GRK5: variants seen among roughly 807,000 people sequenced by gnomAD.
The protein encoded by GRK5 is G protein-coupled receptor kinase 5, also known as g protein-coupled receptor kinase GRK5.
In GRK5, 40 loss-of-function variants were observed where a neutral mutation model predicts 78.4. That is an observed-to-expected ratio of 0.51 (90% CI 0.40 to 0.66). The LOEUF is 0.66. Ranked by LOEUF, GRK5 falls within the 30% of genes least tolerant of loss-of-function variation. GRK5 has a pLI of 0.00. For synonymous variants in GRK5, 289 were observed against 296.8 expected, an observed-to-expected ratio of 0.97 and a Z score of 0.27; for missense variants, 598 against 759.9, an observed-to-expected ratio of 0.79 and a Z score of 2.50.
At chr10:119,307,888 C>T (rs1417493680) in intron 1 of GRK5, among the ~76,000 whole-genome samples, 1 of 152,096 alleles carries the variant, frequency 6.6e-6, no homozygotes, top group Non-Finnish European at 1.5e-5. Context: ...TTCTAGGAAG[C>T]CTTTTAAAGC....
At chr10:119,391,726 C>T (rs979315325) in intron 3 of GRK5, among the ~76,000 whole-genome samples, 3 of 152,154 alleles carry the variant, frequency 2.0e-5, no homozygotes, top group African/African-American at 4.8e-5. Flanking sequence ...GGAGGGGCGG[C>T]CCACGTGGTC....
chr10:119,339,791 G>T (rs12219911), intron 2 of GRK5, among the ~76,000 whole-genome samples: 10,094 of 152,198 alleles, frequency 0.066, 501 homozygotes, highest in East Asian at 0.22. Flanking sequence ...CTACTTGGGA[G>T]GTTGAGGCAG....
At chr10:119,388,457 C>T (rs780581369) in intron 3 of GRK5, among the ~76,000 whole-genome samples, 4 of 152,164 alleles carry the variant, frequency 2.6e-5, no homozygotes, top group African/African-American at 4.8e-5. Context: ...GTGCCTCAGC[C>T]ATCCTAGTAG....
chr10:119,389,628 G>A (rs1000148608), intron 3 of GRK5, among the ~76,000 whole-genome samples: 3 of 152,252 alleles, frequency 2.0e-5, no homozygotes, highest in African/African-American at 7.2e-5. Flanking sequence ...GTTGACTGGA[G>A]CAGGAGGGGG....
chr10:119,216,669 A>G (rs893600682), intron 1 of GRK5, among the ~76,000 whole-genome samples: 1 of 152,038 alleles, frequency 6.6e-6, no homozygotes. Flanking sequence ...ATAAATAAAA[A>G]TGGCCAGGCG....
chr10:119,349,726 C>A (rs925829556), intron 2 of GRK5, among the ~76,000 whole-genome samples: 1 of 152,218 alleles, frequency 6.6e-6, no homozygotes, highest in African/African-American at 2.4e-5. Context: ...CCAGCTAAGT[C>A]TGAATGGTGA....
chr10:119,259,672 C>A (rs541665516), intron 1 of GRK5, among the ~76,000 whole-genome samples: 5 of 152,318 alleles, frequency 3.3e-5, no homozygotes, highest in African/African-American at 1.2e-4. Context: ...TCCAATGGAA[C>A]CTTCTGTGAT....
At chr10:119,422,578 C>T (rs943613264) in intron 4 of GRK5, among the ~76,000 whole-genome samples, 1 of 152,226 alleles carries the variant, frequency 6.6e-6, no homozygotes, top group Admixed American at 6.5e-5. Context: ...TCACCACCCT[C>T]CTCCCTCCTG....
chr10:119,356,200 T>C (rs887810066), intron 2 of GRK5, among the ~76,000 whole-genome samples: 18 of 152,214 alleles, frequency 1.2e-4, no homozygotes, highest in Admixed American at 3.3e-4. Context: ...AGGACATAGA[T>C]AAGAGCACAT....
chr10:119,225,831 C>T (rs1393560160), intron 1 of GRK5, among the ~76,000 whole-genome samples: 6 of 145,392 alleles, frequency 4.1e-5, no homozygotes, highest in Admixed American at 7.0e-5. Flanking sequence ...CCACTGTGCC[C>T]GGCTAATTTT....
At chr10:119,317,707 G>A (rs4751710) in intron 1 of GRK5, among the ~76,000 whole-genome samples, 105,470 of 152,088 alleles carry the variant, frequency 0.69, 38,157 homozygotes, top group Non-Finnish European at 0.79. Context: ...AGGATCACCA[G>A]ATTCTGGAGC....
intron 1 of GRK5, among the ~76,000 whole-genome samples, chr10:119,278,013 T>C (rs1476454581): frequency 1.3e-5 from 2 of 152,246 alleles, no homozygotes; most frequent in Non-Finnish European, 2.9e-5. Context: ...GTGGGTTGTT[T>C]CTAGTCTCTC....
chr10:119,417,021 G>C (rs955649465), intron 4 of GRK5, among the ~76,000 whole-genome samples: 1 of 152,216 alleles, frequency 6.6e-6, no homozygotes, highest in African/African-American at 2.4e-5. Flanking sequence ...GGACCAGAAG[G>C]CTGGCAGGCC....
At chr10:119,302,457 C>A (rs1589731532) in intron 1 of GRK5, among the ~76,000 whole-genome samples, 1 of 152,146 alleles carries the variant, frequency 6.6e-6, no homozygotes, top group African/African-American at 2.4e-5. Context: ...CCTTGGGGCT[C>A]ACTGGAGCAG....
Position 119,439,874 on chromosome 10 carries a change from C to T in GRK5, c.967+106C>T. On this transcript the variant is annotated intron_variant, in intron 10 of 15. Coordinates refer to ENST00000392870, the MANE Select transcript of GRK5 (RefSeq NM_005308.3). ...GGGCTGGGGAAGCTGACCACGGGCC[C>T]CACTCCCACTGCTCAGTGCTGGGTA... 6.1e-6 allele frequency: 6 copies of T among 990,392 alleles called. No homozygotes were observed. In the South Asian group the frequency reaches 8.0e-5, roughly 13 times the overall value. The allele number at this position is 990,392 out of a possible 1,614,324, so 61.4% of individuals were successfully genotyped here. A position where few individuals can be genotyped will look rare whatever the true frequency, so the allele number is the denominator to read the frequency against.
intron 1 of GRK5, among the ~76,000 whole-genome samples, chr10:119,266,613 G>GC (rs1315757215): frequency 6.6e-6 from 1 of 152,100 alleles, no homozygotes; most frequent in Non-Finnish European, 1.5e-5. Context: ...GCTGGCCAAG[G>GC]GAACCCGCTG....
intron 3 of GRK5, among the ~76,000 whole-genome samples, chr10:119,387,292 C>A (rs1176246019): frequency 6.6e-6 from 1 of 152,178 alleles, no homozygotes; most frequent in Non-Finnish European, 1.5e-5. Context: ...ACGTGAGCCA[C>A]CGTGCCCGGC....
chr10:119,266,187 G>A (rs986105837), intron 1 of GRK5, among the ~76,000 whole-genome samples: 3 of 152,182 alleles, frequency 2.0e-5, no homozygotes, highest in African/African-American at 7.2e-5. Context: ...TGGGCGCGAA[G>A]GCTCACACCT....
intron 1 of GRK5, among the ~76,000 whole-genome samples, chr10:119,289,877 A>T (rs1049864586): frequency 1.3e-5 from 2 of 152,246 alleles, no homozygotes. Context: ...TACGCCTGAC[A>T]CACACTATTT....
Sources: allele counts gnomAD v4.1 joint callset (sites outside exome capture counted in the v4.1 genomes callset), GRCh38; gene constraint gnomAD v4.1.1; transcripts MANE v1.5; gene names NCBI Gene and HGNC (gene_info 2026-07-23, HGNC 2026-07-21).